Variants in LEF1 observed in about 807,000 individuals in gnomAD.
LEF1 encodes lymphoid enhancer-binding factor 1.
A neutral mutation model predicts 51.2 loss-of-function variants in LEF1; 14 were observed. That is an observed-to-expected ratio of 0.27 (90% CI 0.18 to 0.43). The LOEUF (loss-of-function observed/expected upper bound fraction) is 0.43, where lower values mean the gene tolerates loss of function less well. Among genes scored for constraint, LEF1 ranks in the 20% least tolerant of loss-of-function variants. The pLI is 1.00. For synonymous variants in LEF1, 185 were observed against 183.2 expected (o/e 1.01, Z -0.08); for missense variants, 386 against 512.0 (o/e 0.75, Z 2.37).
chr4:108,140,188 T>C (rs1474982495), intron 3 of LEF1, among the ~76,000 whole-genome samples: 1 of 152,122 alleles, frequency 6.6e-6, no homozygotes, highest in Non-Finnish European at 1.5e-5. Flanking sequence ...CTAATTCCTA[T>C]GTGGTTATAT....
intron 3 of LEF1, among the ~76,000 whole-genome samples, chr4:108,102,297 T>C (rs1024716113): frequency 2.0e-5 from 3 of 152,130 alleles, no homozygotes; most frequent in Admixed American, 2.0e-4. Flanking sequence ...CTCATTAAAA[T>C]TATTACTAAC....
rs1371330564 is a variant in LEF1, at chr4:108,099,617, T to TATAA, written c.415-10361_415-10360insTTAT. ...ATATATATATATATATATATATATA[T>TATAA]AAATAATACTTGAAATTATGGGGTA... is the stretch of plus-strand genomic sequence containing the variant. On this transcript the variant is annotated intron_variant, in intron 3 of 11. Coordinates refer to ENST00000265165, the MANE Select transcript of LEF1 (RefSeq NM_016269.5). Among the ~76,000 whole-genome samples the TATAA allele has an allele frequency of 7.3e-4, 86 of 118,214 alleles. 3 individuals are homozygous for TATAA. Among genetic ancestry groups the TATAA allele is most frequent in the Non-Finnish European group, 1.3e-3 (73 of 58,286 alleles). 77.6% of individuals were successfully genotyped at this position (118,214 alleles called of 152,430 possible).
At position 108,167,827 on chromosome 4, in the gene LEF1, CAG is replaced by C; in HGVS notation, c.-62_-61del. 6.8e-7 allele frequency: 1 copy of C among 1,460,598 alleles called. No homozygotes were observed. The highest frequency in any genetic ancestry group is 9.5e-7 in the Non-Finnish European group (1 of 1,057,956). 90.5% of individuals were successfully genotyped at this position (1,460,598 alleles called of 1,614,324 possible). On this transcript the variant is annotated 5_prime_UTR_variant, in exon 1 of 12. Coordinates refer to ENST00000265165, the MANE Select transcript of LEF1 (RefSeq NM_016269.5). The surrounding 1 kb of genome is among the most constrained non-coding windows in gnomAD (Gnocchi z 5.7). ...AGCACCCGCGCAACAGCAGGAAAGA[CAG>C]AGGGGTAACTCAAGGGTGGGGGAGG...
At chr4:108,152,200 CAAG>C (rs1744396969) in intron 3 of LEF1, among the ~76,000 whole-genome samples, 2 of 152,252 alleles carry the variant, frequency 1.3e-5, no homozygotes, top group South Asian at 4.1e-4. Flanking sequence ...TAAGGATGGA[CAAG>C]ACCCTGCTGG....
chr4:108,102,658 T>C (rs1426819659), intron 3 of LEF1, among the ~76,000 whole-genome samples: 1 of 152,190 alleles, frequency 6.6e-6, no homozygotes, highest in African/African-American at 2.4e-5. Flanking sequence ...TTCTATGCCT[T>C]GTATGATTAC....
rs559881467 is a variant in LEF1 at position 108,157,191 on chromosome 4, C to T, written c.414+6377G>A. On this transcript the variant is annotated intron_variant, in intron 3 of 11. Transcript: ENST00000265165. ...CTCTATATATATATACACACACACA[C>T]ACACACACACACACACACACACACA... 1.0e-3 allele frequency among the ~76,000 whole-genome samples: 147 copies of T among 147,664 alleles called. 6 individuals are homozygous for T. In the South Asian group the frequency reaches 0.023, roughly 23 times the overall value.
chr4:108,130,860 A>G (rs1742835325), intron 3 of LEF1, among the ~76,000 whole-genome samples: 1 of 152,188 alleles, frequency 6.6e-6, no homozygotes, highest in Admixed American at 6.5e-5. Flanking sequence ...AAAATTAATG[A>G]GGCATACAAA....
chr4:108,060,795 A>G (rs1359290190), intron 11 of LEF1, among the ~76,000 whole-genome samples: 2 of 151,992 alleles, frequency 1.3e-5, no homozygotes, highest in Admixed American at 6.6e-5. Flanking sequence ...AAGCACTGTG[A>G]GAATAGGGAC....
intron 3 of LEF1, 105 bp downstream of exon 3, chr4:108,163,463 T>C (rs1182585793): frequency 8.1e-7 from 1 of 1,236,238 alleles, no homozygotes; most frequent in African/African-American, 1.5e-5. Flanking sequence ...ACTAGTTATA[T>C]ATAATGAAAG....
intron 3 of LEF1, among the ~76,000 whole-genome samples, chr4:108,154,091 G>A (rs1312733263): frequency 6.6e-6 from 1 of 152,030 alleles, no homozygotes; most frequent in Non-Finnish European, 1.5e-5. Context: ...CAGTGAACAT[G>A]TATTGCTTTT....
intron 3 of LEF1, among the ~76,000 whole-genome samples, chr4:108,131,378 A>G (rs927601943): frequency 2.0e-5 from 3 of 146,368 alleles, no homozygotes. Context: ...ACAGAGCAAG[A>G]CCCTATCTCT....
chr4:108,098,973 C>A (rs1451320223), intron 3 of LEF1, among the ~76,000 whole-genome samples: 3 of 152,226 alleles, frequency 2.0e-5, no homozygotes, highest in Non-Finnish European at 4.4e-5. Flanking sequence ...GTTGTGCTGT[C>A]CAATATGGTA....
In LEF1 at chr4:108,079,475, C is replaced by T. The variant is rs1464119892; in HGVS notation, c.845+17G>A. 1.5e-5 allele frequency: 25 copies of T among 1,613,780 alleles called. No homozygotes were observed. Among genetic ancestry groups the T allele is most frequent in the Non-Finnish European group, 2.1e-5 (25 of 1,179,794 alleles). On this transcript the variant is annotated intron_variant, in intron 7 of 11. Coordinates refer to ENST00000265165, the MANE Select transcript of LEF1 (RefSeq NM_016269.5). ...GTATCCTAAGGCAATCACAGCAGAG[C>T]CCGGGTGGATACTTACACGTGCATT...
intron 3 of LEF1, among the ~76,000 whole-genome samples, chr4:108,107,563 T>C: frequency 6.6e-6 from 1 of 152,082 alleles, no homozygotes; most frequent in Middle Eastern, 3.4e-3. Flanking sequence ...AAAAAAAAAT[T>C]GTATACTTTG....
intron 3 of LEF1, among the ~76,000 whole-genome samples, chr4:108,130,746 C>T (rs1742826451): frequency 6.6e-6 from 1 of 150,582 alleles, no homozygotes; most frequent in African/African-American, 2.4e-5. Flanking sequence ...AAAAAAAAGA[C>T]TTTCCAGTTA....
intron 3 of LEF1, among the ~76,000 whole-genome samples, chr4:108,105,326 G>A (rs1288475756): frequency 1.3e-5 from 2 of 151,818 alleles, no homozygotes; most frequent in Admixed American, 6.6e-5. Flanking sequence ...GACTACAGAC[G>A]TGTGCCACCA....
Position 108,167,393 on chromosome 4 carries a change from C to G in LEF1, c.213+162G>C. On this transcript the variant is annotated intron_variant, in intron 1 of 11. Coordinates refer to ENST00000265165, the MANE Select transcript of LEF1 (RefSeq NM_016269.5). The surrounding 1 kb of genome is among the most constrained non-coding windows in gnomAD (Gnocchi z 5.7). ...ACACACACACACACACACACACACA[C>G]ACTGCGGACCGGGGGCCCAGCTACG... is the stretch of plus-strand genomic sequence containing the variant. 1 of 622,322 alleles carries G rather than the reference C, an allele frequency of 1.6e-6. No homozygotes were observed. Among genetic ancestry groups the G allele is most frequent in the East Asian group, 2.8e-5 (1 of 35,168 alleles). 38.6% of individuals were successfully genotyped at this position (622,322 alleles called of 1,614,324 possible). A position where few individuals can be genotyped will look rare whatever the true frequency, so the allele number is the denominator to read the frequency against.
chr4:108,072,036 T>G (rs886090471), intron 8 of LEF1: 3 of 152,288 alleles, frequency 2.0e-5, no homozygotes, highest in Non-Finnish European at 4.4e-5. Context: ...GCTGGGAGCC[T>G]CCCTGCTCCT....
intron 3 of LEF1, among the ~76,000 whole-genome samples, chr4:108,126,988 C>T (rs1051953157): frequency 6.6e-6 from 1 of 151,766 alleles, no homozygotes; most frequent in African/African-American, 2.4e-5. Flanking sequence ...AAATGAACAA[C>T]GTTCGATACA....
Sources: gnomAD v4.1 joint callset for allele counts (sites outside exome capture counted in the v4.1 genomes callset) on GRCh38, gnomAD v4.1.1 for gene constraint, Gnocchi (gnomAD v3.1) non-coding constraint, MANE v1.5 for transcripts, NCBI Gene and HGNC (gene_info 2026-07-23, HGNC 2026-07-21) for gene names.